ALPK2: variants seen among roughly 807,000 people sequenced by gnomAD.
The protein encoded by ALPK2 is alpha-protein kinase 2.
Under a neutral mutation model 163.1 loss-of-function variants are expected in ALPK2, and 127 were observed. The ratio of observed to expected loss-of-function variants is 0.78; its 90% CI spans 0.67 to 0.90. The LOEUF is 0.90. ALPK2 is among the 40% of genes least tolerant of loss of function. The pLI is 0.00. For synonymous variants in ALPK2, 953 were observed against 959.1 expected (o/e 0.99, Z 0.12); for missense variants, 2,360 against 2,589.6 (o/e 0.91, Z 1.92).
chr18:58,495,139 A>G (rs2051395096), intron 12 of ALPK2, among the ~76,000 whole-genome samples: 1 of 152,118 alleles, frequency 6.6e-6, no homozygotes, highest in Admixed American at 6.5e-5. Context: ...GCCTCTAAAG[A>G]GGTCTCTCAA....
chr18:58,545,273 T>G (rs1466353237), intron 4 of ALPK2: 3 of 151,372 alleles, frequency 2.0e-5, no homozygotes, highest in Non-Finnish European at 4.4e-5. Context: ...AGCTGACTAT[T>G]CTGTTAACTG....
Position 58,538,141 on chromosome 18 carries a change from T to A in ALPK2, c.2046A>T (p.Pro682=). ...AFSEPAGEES[P]FTGTTTISFS... is the part of the protein sequence containing the mutation. ...AGGAAATTGTTGTGGTCCCAGTGAA[T>A]GGGGACTCCTCCCCAGCAGGCTCTG... The change falls in exon 5 of 13, where the codon CCA becomes CCT. Residue 682 remains proline (P), a synonymous_variant. Coordinates refer to ENST00000361673, the MANE Select transcript of ALPK2 (RefSeq NM_052947.4). The A allele has an allele frequency of 6.2e-7, 1 of 1,614,070 alleles. No individual in the cohort carries two copies. Among genetic ancestry groups the A allele is most frequent in the Non-Finnish European group, 8.5e-7 (1 of 1,180,028 alleles).
At chr18:58,542,184 C>T (rs1239822390) in intron 4 of ALPK2, among the ~76,000 whole-genome samples, 1 of 152,250 alleles carries the variant, frequency 6.6e-6, no homozygotes, top group Non-Finnish European at 1.5e-5. Flanking sequence ...TTGGATATAG[C>T]ATGCATGACC....
chr18:58,563,745 A>G (rs367703389), intron 4 of ALPK2, among the ~76,000 whole-genome samples: 2 of 152,324 alleles, frequency 1.3e-5, no homozygotes, highest in East Asian at 3.9e-4. Flanking sequence ...ACCATAATAT[A>G]TTTTACCATT....
At chr18:58,543,364 A>G in intron 4 of ALPK2, 1 of 985,450 alleles carries the variant, frequency 1.0e-6, no homozygotes, top group African/African-American at 1.7e-5. Context: ...TGCTCTGTGC[A>G]CCAGACCTCA....
At chr18:58,546,442 T>A (rs1265917883) in intron 4 of ALPK2, among the ~76,000 whole-genome samples, 4 of 152,208 alleles carry the variant, frequency 2.6e-5, no homozygotes, top group Admixed American at 6.5e-5. Flanking sequence ...CACTAGAGCA[T>A]GAGCCATGAG....
At position 58,579,915 on chromosome 18, in the gene ALPK2, G is replaced by C; in HGVS notation, c.861C>G (p.Asp287Glu). 1 of 1,614,178 alleles carries C rather than the reference G, an allele frequency of 6.2e-7. No individual in the cohort carries two copies. Among genetic ancestry groups the C allele is most frequent in the South Asian group, 1.1e-5 (1 of 91,086 alleles). Reference sequence around the variant, plus strand: ...TGGGTTGTTTGTTGGCCACGGCACTGTCACCTGGGTAAATGTGTGCAGTTG... The same window carrying C: ...TGGGTTGTTTGTTGGCCACGGCACTCTCACCTGGGTAAATGTGTGCAGTTG... Reference protein sequence around the residue: ...SEATAHIYPGDSAVANKQPSP... With the variant: ...SEATAHIYPGESAVANKQPSP... The change falls in exon 4 of 13, where the codon GAC (aspartate) becomes GAG (glutamate). Residue 287 changes from aspartate (D) to glutamate (E), a missense_variant. Transcript: ENST00000361673.
chr18:58,528,902 T>A (rs1052584928), intron 6 of ALPK2, 189 bp downstream of exon 6: 3 of 688,646 alleles, frequency 4.4e-6, no homozygotes, highest in Non-Finnish European at 7.0e-6. Flanking sequence ...TGGGCAAGAA[T>A]CCTCCATCAT....
At chr18:58,608,669 C>G (rs2052110668) in intron 2 of ALPK2, among the ~76,000 whole-genome samples, 1 of 152,118 alleles carries the variant, frequency 6.6e-6, no homozygotes, top group Admixed American at 6.5e-5. Flanking sequence ...ATGTTCTGGC[C>G]AGGCATGGTG....
At chr18:58,600,161 C>G (rs909892023) in intron 3 of ALPK2, among the ~76,000 whole-genome samples, 1 of 151,240 alleles carries the variant, frequency 6.6e-6, no homozygotes, top group South Asian at 2.1e-4. Context: ...CTCAGCCTCC[C>G]GAGTAGCTGG....
At chr18:58,542,052 G>A (rs1446167633) in intron 4 of ALPK2, among the ~76,000 whole-genome samples, 2 of 152,226 alleles carry the variant, frequency 1.3e-5, no homozygotes, top group Non-Finnish European at 2.9e-5. Context: ...ATTTCCTTAT[G>A]TAGGGAAATT....
At position 58,579,751 on chromosome 18, in the gene ALPK2, G is replaced by T; in HGVS notation, c.1025C>A (p.Ala342Glu). 6.2e-7 allele frequency: 1 copy of T among 1,614,144 alleles called. No homozygotes were observed. The highest frequency in any genetic ancestry group is 8.5e-7 in the Non-Finnish European group (1 of 1,180,032). ...CCCCAGCAGGTTCCTTTGCCAAACT[G>T]CATTAGAGTAATCCGTCATAACATC... ...CSDVMTDYSN[A>E]VWQRNLLGTE... The change falls in exon 4 of 13, where the codon GCA (alanine) becomes GAA (glutamate). Residue 342 changes from alanine to glutamate, a missense_variant. Transcript: ENST00000361673.
intron 4 of ALPK2, among the ~76,000 whole-genome samples, chr18:58,567,159 G>T (rs1376721836): frequency 6.6e-6 from 1 of 151,968 alleles, no homozygotes; most frequent in East Asian, 1.9e-4. Context: ...GCCGAAGCAG[G>T]CAGATCACCT....
At chr18:58,540,581 A>G (rs932633298) in intron 4 of ALPK2, among the ~76,000 whole-genome samples, 9 of 152,200 alleles carry the variant, frequency 5.9e-5, no homozygotes, top group African/African-American at 1.9e-4. Context: ...TATAGCACAA[A>G]TAGACTGAGT....
At chr18:58,485,552 G>C (rs1299179204) in intron 12 of ALPK2, among the ~76,000 whole-genome samples, 1 of 152,226 alleles carries the variant, frequency 6.6e-6, no homozygotes, top group African/African-American at 2.4e-5. Flanking sequence ...GTTTCTAAAA[G>C]CCAAGCTTTC....
At chr18:58,551,565 C>T (rs1299293751) in intron 4 of ALPK2, among the ~76,000 whole-genome samples, 1 of 152,220 alleles carries the variant, frequency 6.6e-6, no homozygotes, top group Non-Finnish European at 1.5e-5. Flanking sequence ...CCCACTAAAG[C>T]AATCCATTCT....
At chr18:58,513,822 G>T (rs1055418426) in intron 10 of ALPK2, among the ~76,000 whole-genome samples, 1 of 152,102 alleles carries the variant, frequency 6.6e-6, no homozygotes, top group Non-Finnish European at 1.5e-5. Flanking sequence ...AGTGAGCCGT[G>T]ATTGCACCAC....
At position 58,626,508 on chromosome 18, in the gene ALPK2, G is replaced by A. The variant is rs117927458; in HGVS notation, c.-21+2256C>T. Among the ~76,000 whole-genome samples, 1,149 of 151,994 alleles carry A rather than the reference G, an allele frequency of 7.6e-3. 12 individuals carry two copies. Among genetic ancestry groups the A allele is most frequent in the Non-Finnish European group, 8.1e-3 (551 of 67,990 alleles). On this transcript the variant is annotated intron_variant, in intron 1 of 12. Coordinates refer to ENST00000361673, the MANE Select transcript of ALPK2 (RefSeq NM_052947.4). Reference sequence around the variant, plus strand: ...TATAATCTTTGAGGAAAGGCTGGGCGTGTGCCTTCATTTTCATAGTTTTCA... The same window carrying A: ...TATAATCTTTGAGGAAAGGCTGGGCATGTGCCTTCATTTTCATAGTTTTCA...
Position 58,536,934 on chromosome 18 carries a change from G to A in ALPK2, c.3253C>T (p.His1085Tyr). Residue 1085 changes from histidine to tyrosine, a missense_variant, in exon 5 of 13, where the codon CAT becomes TAT. Transcript: ENST00000361673. ...TCTCCCTCTGGGAGCTGCAGGACATGGTGTGGGACTCCTGGCACACTGGGT... is the reference window on the plus strand; with the variant it reads ...TCTCCCTCTGGGAGCTGCAGGACATAGTGTGGGACTCCTGGCACACTGGGT... The part of the protein sequence containing the change: ...RAPSVPGVPH[H>Y]VLQLPEGEGF... 6.2e-7 allele frequency: 1 copy of A among 1,614,208 alleles called. No homozygotes were observed. The highest frequency in any genetic ancestry group is 8.5e-7 in the Non-Finnish European group (1 of 1,180,038).
Sources: allele counts gnomAD v4.1 joint callset (sites outside exome capture counted in the v4.1 genomes callset), GRCh38; gene constraint gnomAD v4.1.1; transcripts MANE v1.5; gene names NCBI Gene and HGNC (gene_info 2026-07-23, HGNC 2026-07-21).